The following SPATA13 variants were observed in gnomAD, a reference collection of about 807,000 sequenced individuals.
The protein encoded by SPATA13 is spermatogenesis associated 13.
A neutral mutation model predicts 104.0 loss-of-function variants in SPATA13; 50 were observed. That is an observed-to-expected ratio of 0.48 (90% confidence interval 0.38 to 0.61). The LOEUF is 0.61. SPATA13 is among the 20% of genes least tolerant of loss of function. The probability of loss-of-function intolerance (pLI) is 0.00; values close to 1 mark genes in which losing one functional copy is unlikely to be tolerated. For missense variants in SPATA13, 1,524 were observed against 1,690.6 expected (o/e 0.90, Z 1.73); for synonymous variants, 606 against 667.5 (o/e 0.91, Z 1.42).
intron 3 of SPATA13, chr13:24,123,356 G>T: frequency 7.6e-7 from 1 of 1,314,216 alleles, no homozygotes; most frequent in South Asian, 1.2e-5. Context: ...CACAGAAATA[G>T]TGAATTACCC....
intron 4 of SPATA13, among the ~76,000 whole-genome samples, chr13:24,255,801 G>A (rs1464187858): frequency 2.6e-5 from 4 of 152,194 alleles, no homozygotes; most frequent in Non-Finnish European, 5.9e-5. Flanking sequence ...CCAACGAAGT[G>A]CTAGAATGGC....
intron 3 of SPATA13, among the ~76,000 whole-genome samples, chr13:24,131,808 T>TGAGGACATGAGAAGGCAGGGTGTTAAATA (rs1252839903): frequency 6.6e-6 from 1 of 152,098 alleles, no homozygotes. Context: ...AGAGAGAGGA[T>TGAGGACATGAGAAGGCAGGGTGTTAAATA]GAGGACATGA....
chr13:24,085,189 C>T (rs1057070349), intron 3 of SPATA13, among the ~76,000 whole-genome samples: 1 of 152,180 alleles, frequency 6.6e-6, no homozygotes, highest in African/African-American at 2.4e-5. Context: ...GCGGTGCAAT[C>T]TGGGCTCACT....
intron 3 of SPATA13, among the ~76,000 whole-genome samples, chr13:24,118,833 C>T (rs978747574): frequency 1.3e-5 from 2 of 152,192 alleles, no homozygotes; most frequent in African/African-American, 2.4e-5. Context: ...GCTAACCACA[C>T]GCTGGTTCCC....
intron 2 of SPATA13, among the ~76,000 whole-genome samples, chr13:23,995,307 GT>G (rs1438406765): frequency 6.6e-6 from 1 of 152,150 alleles, no homozygotes; most frequent in East Asian, 1.9e-4. Flanking sequence ...AGACAATTTT[GT>G]TTTTCCTGTT....
chr13:24,258,037 C>T (rs1363096073), intron 4 of SPATA13, among the ~76,000 whole-genome samples: 4 of 152,112 alleles, frequency 2.6e-5, no homozygotes, highest in Admixed American at 1.3e-4. Context: ...CAAAACTAGC[C>T]TAACCAACAT....
intron 9 of SPATA13, 37 bp from the exon 10 acceptor site, chr13:24,294,702 C>G (rs1228949408): frequency 6.4e-7 from 1 of 1,562,326 alleles, no homozygotes; most frequent in Non-Finnish European, 8.8e-7. Flanking sequence ...TTGTAAGGTG[C>G]ATGTTATGTG....
rs999206841 is a variant in SPATA13 at position 24,223,207 on chromosome 13, T to C, written c.278T>C (p.Met93Thr). 3 of 1,551,670 alleles carry C rather than the reference T, an allele frequency of 1.9e-6. No individual in the cohort carries two copies. The highest frequency in any genetic ancestry group is 1.7e-6 in the Non-Finnish European group (2 of 1,147,002). Reference sequence around the variant, plus strand: ...GCCCACCCCGAGCGGCCCCACTCCATGGTCCTGGTGGGGAACTCCTCCACA... The same window carrying C: ...GCCCACCCCGAGCGGCCCCACTCCACGGTCCTGGTGGGGAACTCCTCCACA... ...TGAHPERPHS[M>T]VLVGNSSTWN... The change falls in exon 2 of 13, where the codon ATG becomes ACG. Residue 93 changes from methionine (M) to threonine (T), a missense_variant. Transcript: ENST00000382108.
chr13:24,223,191 G>A lies in SPATA13; in HGVS notation c.262G>A (p.Glu88Lys), dbSNP rs770065887. The change falls in exon 2 of 13, where the codon GAG (glutamate) becomes AAG (lysine). Residue 88 changes from glutamate to lysine, a missense_variant. Glu to Lys is a moderately conservative substitution (Grantham distance 56). Coordinates refer to ENST00000382108, the MANE Select transcript of SPATA13 (RefSeq NM_001166271.3). ...TCGGAAGAGGACGGGTGCCCACCCC[G>A]AGCGGCCCCACTCCATGGTCCTGGT... The part of the protein sequence containing the change: ...TSRKRTGAHP[E>K]RPHSMVLVGN... 4 of 1,551,680 alleles carry A rather than the reference G, an allele frequency of 2.6e-6. No individual in the cohort carries two copies. The highest frequency in any genetic ancestry group is 2.6e-6 in the Non-Finnish European group (3 of 1,147,014).
At chr13:24,280,461 G>A (rs1875410901) in intron 4 of SPATA13, among the ~76,000 whole-genome samples, 1 of 149,944 alleles carries the variant, frequency 6.7e-6, no homozygotes, top group South Asian at 2.1e-4. Flanking sequence ...TGGGTGGGAA[G>A]CCCCAATGCC....
At chr13:24,005,591 A>G (rs971571606) in intron 2 of SPATA13, among the ~76,000 whole-genome samples, 1 of 151,202 alleles carries the variant, frequency 6.6e-6, no homozygotes, top group African/African-American at 2.4e-5. Context: ...GAACTCCTGA[A>G]TTTTAGGTGT....
At chr13:24,218,577 C>A (rs1343468339) in intron 1 of SPATA13, among the ~76,000 whole-genome samples, 2 of 152,194 alleles carry the variant, frequency 1.3e-5, no homozygotes, top group African/African-American at 2.4e-5. Flanking sequence ...AATATGTTTT[C>A]TTTCAGTGTC....
intron 3 of SPATA13, chr13:24,122,590 G>A: frequency 5.3e-6 from 8 of 1,519,258 alleles, no homozygotes; most frequent in Non-Finnish European, 7.3e-6. Context: ...TTTGTTGCAT[G>A]ACACTCTGCA....
upstream of SPATA13, among the ~76,000 whole-genome samples, chr13:24,158,603 T>G (rs1882332862): frequency 6.6e-6 from 1 of 152,230 alleles, no homozygotes; most frequent in African/African-American, 2.4e-5. Flanking sequence ...ATTTGTAATC[T>G]GAACCCAGAC....
chr13:24,266,817 G>A lies in SPATA13; in HGVS notation c.2164+14955G>A, dbSNP rs1047068960. ...TTTTCTTTTTTTTTTTCCAAGTCAG[G>A]GCTTCCCTCTGTCACCCAGGCTGGT... On this transcript the variant is annotated intron_variant, in intron 4 of 12. Coordinates refer to ENST00000382108, the MANE Select transcript of SPATA13 (RefSeq NM_001166271.3). Among the ~76,000 whole-genome samples the A allele has an allele frequency of 6.9e-4, 103 of 148,390 alleles. 1 individual carries two copies. Among genetic ancestry groups the A allele is most frequent in the Non-Finnish European group, 9.7e-4 (65 of 66,736 alleles).
At chr13:24,020,908 G>C (rs1177303879) in intron 3 of SPATA13, among the ~76,000 whole-genome samples, 1 of 152,148 alleles carries the variant, frequency 6.6e-6, no homozygotes, top group East Asian at 1.9e-4. Flanking sequence ...TGGGCATGGT[G>C]GTGGGTGCCT....
chr13:24,005,036 A>G (rs75757659), intron 2 of SPATA13, among the ~76,000 whole-genome samples: 3,784 of 152,308 alleles, frequency 0.025, 146 homozygotes, highest in African/African-American at 0.086. Context: ...CATGACATAT[A>G]GGTTATCTTT....
intron 1 of SPATA13, among the ~76,000 whole-genome samples, chr13:24,202,511 T>G (rs1473136812): frequency 7.3e-6 from 1 of 137,792 alleles, no homozygotes; most frequent in East Asian, 2.2e-4. Context: ...GTTTGCTTTC[T>G]TTCTTTCCCT....
Position 24,051,138 on chromosome 13 carries a change from G to C in SPATA13, c.-112+33437G>C, listed in dbSNP as rs1878324907. ...CACTGAGCAAATGAACTCCAAGTGAGCACTGCTGGGGCTAGCCTCCTGAAG... is the reference window on the plus strand; with the variant it reads ...CACTGAGCAAATGAACTCCAAGTGACCACTGCTGGGGCTAGCCTCCTGAAG... On this transcript the variant is annotated intron_variant, in intron 3 of 14. Transcript: ENST00000424834. The surrounding 1 kb of genome is among the most constrained non-coding windows in gnomAD (Gnocchi z 4.2). Among the ~76,000 whole-genome samples the C allele has an allele frequency of 6.6e-6, 1 of 152,166 alleles. No homozygotes were observed. Among genetic ancestry groups the C allele is most frequent in the African/African-American group, 2.4e-5 (1 of 41,420 alleles).
Sources: gnomAD v4.1 joint callset for allele counts (sites outside exome capture counted in the v4.1 genomes callset) on GRCh38, gnomAD v4.1.1 for gene constraint, Gnocchi (gnomAD v3.1) non-coding constraint, MANE v1.5 for transcripts, NCBI Gene and HGNC (gene_info 2026-07-23, HGNC 2026-07-21) for gene names.